Variants in PCDHGA2 observed in about 807,000 individuals in gnomAD.
PCDHGA2 encodes the protein protocadherin gamma subfamily A, 2.
Under a neutral mutation model 59.2 loss-of-function variants are expected in PCDHGA2, and 40 were observed. The observed-to-expected ratio is 0.68, with a 90% CI of 0.52 to 0.88. The LOEUF (loss-of-function observed/expected upper bound fraction) is 0.88, where lower values mean the gene tolerates loss of function less well. Among genes scored for constraint, PCDHGA2 ranks in the 40% least tolerant of loss-of-function variants. The pLI is 0.00. For missense variants in PCDHGA2, 1,226 were observed against 1,204.0 expected (o/e 1.02, Z -0.27); for synonymous variants, 560 against 526.0 (o/e 1.06, Z -0.89).
chr5:141,480,074 A>G (rs976924380), intron 1 of PCDHGA2, among the ~76,000 whole-genome samples: 5 of 152,196 alleles, frequency 3.3e-5, no homozygotes, highest in Non-Finnish European at 7.3e-5. Flanking sequence ...TATAAGATTC[A>G]TGCATGATAT....
chr5:141,345,273 C>A (rs956533748), intron 1 of PCDHGA2: 10 of 1,613,808 alleles, frequency 6.2e-6, no homozygotes, highest in African/African-American at 1.3e-5. Context: ...GGACCGCGAA[C>A]AAATATCAGA....
At chr5:141,355,052 TG>T in intron 1 of PCDHGA2, 1 of 1,201,334 alleles carries the variant, frequency 8.3e-7, no homozygotes, top group Non-Finnish European at 1.1e-6. Context: ...CACAAAGCAC[TG>T]GCTCTGGAGC....
chr5:141,374,708 C>G, intron 1 of PCDHGA2: 2 of 1,609,146 alleles, frequency 1.2e-6, no homozygotes, highest in East Asian at 2.2e-5. Flanking sequence ...AGCCGTTTAC[C>G]GCCTGGTCCT....
chr5:141,403,832 C>T (rs374600582), intron 1 of PCDHGA2: 1 of 1,613,684 alleles, frequency 6.2e-7, no homozygotes, highest in Non-Finnish European at 8.5e-7. Context: ...GCTATTCCAG[C>T]TTAATGAAAA....
intron 1 of PCDHGA2, chr5:141,409,680 C>T (rs756713114): frequency 1.9e-6 from 3 of 1,613,242 alleles, no homozygotes; most frequent in African/African-American, 1.3e-5. Context: ...TCTATAGTGG[C>T]GAGTGACCTA....
At chr5:141,478,733 T>C (rs1562072874) in intron 1 of PCDHGA2, 8 of 1,537,128 alleles carry the variant, frequency 5.2e-6, no homozygotes, top group Non-Finnish European at 7.0e-6. Context: ...AGAGTGTGGT[T>C]TGTGGTCCCA....
In PCDHGA2 at chr5:141,389,258, C is replaced by T. The variant is rs373970987; in HGVS notation, c.2424+47863C>T. The stretch of plus-strand genomic sequence containing the variant: ...TCTCACAGTCTTCCTATATAGTCCA[C>T]GTGGCCGAGAACAACCCGCCTGGAG... On this transcript the variant is annotated intron_variant, in intron 1 of 3. Coordinates refer to ENST00000394576, the MANE Select transcript of PCDHGA2 (RefSeq NM_018915.4). 4 of 1,614,022 alleles carry T rather than the reference C, an allele frequency of 2.5e-6. No homozygotes were observed. The African/African-American group carries it at 4.0e-5, about 16-fold the overall frequency.
chr5:141,344,671 T>G, intron 1 of PCDHGA2: 1 of 1,613,952 alleles, frequency 6.2e-7, no homozygotes, highest in Non-Finnish European at 8.5e-7. Context: ...CTTGTCCTGG[T>G]TGCCTCTGAT....
chr5:141,404,429 G>A (rs760246804), intron 1 of PCDHGA2: 1 of 1,613,682 alleles, frequency 6.2e-7, no homozygotes, highest in East Asian at 2.2e-5. Flanking sequence ...CTCCTTGGCA[G>A]AGGATACCAT....
chr5:141,381,823 CTTCT>C (rs1777510060), intron 1 of PCDHGA2, among the ~76,000 whole-genome samples: 4 of 101,610 alleles, frequency 3.9e-5, no homozygotes, highest in African/African-American at 4.3e-5. Flanking sequence ...TTTCTTTCTT[CTTCT>C]TTTTTTTTTT....
At chr5:141,422,470 T>G in intron 1 of PCDHGA2, 1 of 1,613,440 alleles carries the variant, frequency 6.2e-7, no homozygotes, top group South Asian at 1.1e-5. Flanking sequence ...GGACAGGGAG[T>G]TGGTCCAGAG....
rs757468959 is a variant in PCDHGA2, at chr5:141,395,139, G to A, written c.2424+53744G>A. On this transcript the variant is annotated intron_variant, in intron 1 of 3. Coordinates refer to ENST00000394576, the MANE Select transcript of PCDHGA2 (RefSeq NM_018915.4). ...CCTGATCTTTCCCCAGCCCAACTAC[G>A]CAGACATGCTCATCAGTCAGGAGGG... 10 of 1,614,026 alleles carry A rather than the reference G, an allele frequency of 6.2e-6. No homozygotes were observed. In the East Asian group the frequency reaches 1.3e-4, roughly 22 times the overall value.
At chr5:141,362,328 C>G (rs1351863626) in intron 1 of PCDHGA2, 1 of 1,613,950 alleles carries the variant, frequency 6.2e-7, no homozygotes. Context: ...AGCCTGGTCT[C>G]AGCTCCAAGC....
rs2099385215 is a variant in PCDHGA2 at position 141,476,099 on chromosome 5, G to A, written c.2425-18708G>A. On this transcript the variant is annotated intron_variant, in intron 1 of 3. Coordinates refer to ENST00000394576, the MANE Select transcript of PCDHGA2 (RefSeq NM_018915.4). This position sits in a 1 kb window ranked among gnomAD's most constrained non-coding sequence, Gnocchi z 7.6. ...GGGACGATCTGGACCCCGCTGAGAGGAACTGCTTTTGAGTGAGATGGTCCC... is the reference window on the plus strand; with the variant it reads ...GGGACGATCTGGACCCCGCTGAGAGAAACTGCTTTTGAGTGAGATGGTCCC... 1 of 1,574,916 alleles carries A rather than the reference G, an allele frequency of 6.3e-7. No individual in the cohort carries two copies.
chr5:141,487,596 A>T lies in PCDHGA2; in HGVS notation c.2425-7211A>T. The stretch of plus-strand genomic sequence containing the variant: ...GTTCGCCCAAGCTGCCCACCCTCTG[A>T]TCTTCTCTATGGGCTAGAGGTGAGA... On this transcript the variant is annotated intron_variant, in intron 1 of 3. Transcript: ENST00000394576. The surrounding 1 kb of genome is among the most constrained non-coding windows in gnomAD (Gnocchi z 5.0). The T allele has an allele frequency of 1.2e-6, 2 of 1,614,108 alleles. No individual in the cohort carries two copies. Among genetic ancestry groups the T allele is most frequent in the Non-Finnish European group, 8.5e-7 (1 of 1,180,024 alleles).
At chr5:141,390,649 G>A in intron 1 of PCDHGA2, 1 of 210,770 alleles carries the variant, frequency 4.7e-6, no homozygotes, top group Non-Finnish European at 9.4e-6. Flanking sequence ...TTTTCAGCTT[G>A]GATATACCAT....
rs774333465 is a variant in PCDHGA2 at position 141,365,744 on chromosome 5, T to A, written c.2424+24349T>A. On this transcript the variant is annotated intron_variant, in intron 1 of 3. Transcript: ENST00000394576. Reference sequence around the variant, plus strand: ...AAACAATCCCAGAGGTGTCTCTATCTTCTCTGTGACAGCCCATGACCCCGA... The same window carrying A: ...AAACAATCCCAGAGGTGTCTCTATCATCTCTGTGACAGCCCATGACCCCGA... 3.7e-6 allele frequency: 6 copies of A among 1,613,660 alleles called. No homozygotes were observed. Among genetic ancestry groups the A allele is most frequent in the Non-Finnish European group, 4.2e-6 (5 of 1,179,882 alleles).
At chr5:141,393,195 G>A (rs1359316660) in intron 1 of PCDHGA2, 6 of 1,613,316 alleles carry the variant, frequency 3.7e-6, no homozygotes, top group South Asian at 1.1e-5. Context: ...TGATATTAAC[G>A]ATAATAACCC....
At chr5:141,480,497 A>G (rs909585240) in intron 1 of PCDHGA2, among the ~76,000 whole-genome samples, 6 of 152,236 alleles carry the variant, frequency 3.9e-5, no homozygotes, top group Non-Finnish European at 8.8e-5. Flanking sequence ...CCTTAGAAAT[A>G]CACATATGAG....
Sources: allele counts gnomAD v4.1 joint callset (sites outside exome capture counted in the v4.1 genomes callset), GRCh38; gene constraint gnomAD v4.1.1; non-coding constraint Gnocchi (gnomAD v3.1); transcripts MANE v1.5; gene names NCBI Gene and HGNC (gene_info 2026-07-23, HGNC 2026-07-21).